NOSIP: variants seen among roughly 807,000 people sequenced by gnomAD.
NOSIP encodes nitric oxide synthase-interacting protein.
A neutral mutation model predicts 36.4 loss-of-function variants in NOSIP; 25 were observed. That is an observed-to-expected ratio of 0.69 (90% CI 0.50 to 0.96). The LOEUF is 0.96. NOSIP is among the 40% of genes least tolerant of loss of function. The pLI, the probability that NOSIP is intolerant of heterozygous loss-of-function variation, is 0.00. For synonymous variants in NOSIP, 187 were observed against 179.2 expected, an observed-to-expected ratio of 1.04 and a Z score of -0.35; for missense variants, 370 against 429.0, an observed-to-expected ratio of 0.86 and a Z score of 1.21.
chr19:49,573,237 T>C (rs907232054), intron 1 of NOSIP, among the ~76,000 whole-genome samples: 1 of 152,192 alleles, frequency 6.6e-6, no homozygotes, highest in African/African-American at 2.4e-5. Flanking sequence ...CCTCAGGCAC[T>C]GTGCTGAACT....
intron 1 of NOSIP, among the ~76,000 whole-genome samples, chr19:49,565,265 CCT>C (rs1201758682): frequency 1.4e-5 from 2 of 145,520 alleles, no homozygotes; most frequent in African/African-American, 2.7e-5. Flanking sequence ...AGAGTGAGAC[CCT>C]GTCTCAAAAA....
rs2080325762 is a variant in NOSIP, at chr19:49,560,932, T to G, written c.-1-240A>C. Among the ~76,000 whole-genome samples the G allele has an allele frequency of 6.6e-6, 1 of 152,046 alleles. No homozygotes were observed. The highest frequency in any genetic ancestry group is 6.6e-5 in the Admixed American group (1 of 15,250). On this transcript the variant is annotated intron_variant, in intron 1 of 8. Transcript: ENST00000596358. The surrounding 1 kb of genome is among the most constrained non-coding windows in gnomAD (Gnocchi z 4.6). Reference sequence around the variant, plus strand: ...TAGCACCTTTAACAACAAAACTCTTTGTTTGGAGGTAAGAGGGTGAGAGAC... The same window carrying G: ...TAGCACCTTTAACAACAAAACTCTTGGTTTGGAGGTAAGAGGGTGAGAGAC...
At chr19:49,561,355 A>T (rs1251727425) in intron 1 of NOSIP, among the ~76,000 whole-genome samples, 3 of 152,192 alleles carry the variant, frequency 2.0e-5, no homozygotes, top group Admixed American at 2.0e-4. Flanking sequence ...AGAACCCTGG[A>T]GCTCAATTCA....
intron 1 of NOSIP, among the ~76,000 whole-genome samples, chr19:49,561,969 CTT>C (rs749256234): frequency 2.0e-4 from 30 of 150,960 alleles, no homozygotes; most frequent in South Asian, 1.0e-3. Flanking sequence ...ATCATTTTAA[CTT>C]TTACTTTTTG....
chr19:49,564,206 C>A (rs1453356688), intron 1 of NOSIP, among the ~76,000 whole-genome samples: 2 of 152,122 alleles, frequency 1.3e-5, no homozygotes, highest in Non-Finnish European at 2.9e-5. Flanking sequence ...GTAATCCCAG[C>A]ACTTTGGAGG....
Position 49,558,993 on chromosome 19 carries a change from T to G in NOSIP, c.177-15A>C. 6.2e-7 allele frequency: 1 copy of G among 1,608,974 alleles called. No homozygotes were observed. The highest frequency in any genetic ancestry group is 8.5e-7 in the Non-Finnish European group (1 of 1,176,384). On this transcript the variant is annotated splice_polypyrimidine_tract_variant and intron_variant, in intron 3 of 8. Coordinates refer to ENST00000596358, the MANE Select transcript of NOSIP (RefSeq NM_001270960.2). ...AGCCATCTGGGCTGCAAAGACAGGG[T>G]GCAATGAGAAAGAAAGAAAGTGATC...
chr19:49,572,972 C>CAAAAAAA (rs5828405), intron 1 of NOSIP, among the ~76,000 whole-genome samples: 1 of 60,792 alleles, frequency 1.6e-5, no homozygotes, highest in African/African-American at 6.4e-5. Flanking sequence ...GACTGTGTCT[C>CAAAAAAA]AAAAAAAAAA....
chr19:49,558,801 G>A lies in NOSIP; in HGVS notation c.258+96C>T, dbSNP rs2080291400. 9.1e-6 allele frequency: 9 copies of A among 991,326 alleles called. No homozygotes were observed. The East Asian group carries it at 1.9e-4, about 21-fold the overall frequency. 61.4% of individuals were successfully genotyped at this position (991,326 alleles called of 1,614,324 possible). A position where few individuals can be genotyped will look rare whatever the true frequency, so the allele number is the denominator to read the frequency against. On this transcript the variant is annotated intron_variant, in intron 4 of 8. Transcript: ENST00000596358. ...GGAGGGGAATGGTGTACCAGGCAGA[G>A]GGAACTGAGATCAGAGGGCTCTGAG...
chr19:49,575,114 C>T (rs1350984847), intron 1 of NOSIP, among the ~76,000 whole-genome samples: 1 of 152,104 alleles, frequency 6.6e-6, no homozygotes, highest in Non-Finnish European at 1.5e-5. Context: ...CTGCCCACCT[C>T]GGCCTCCCAA....
chr19:49,565,453 T>A (rs755919783), intron 1 of NOSIP, among the ~76,000 whole-genome samples: 23 of 151,990 alleles, frequency 1.5e-4, no homozygotes, highest in Non-Finnish European at 3.4e-4. Flanking sequence ...CTGTACATGT[T>A]ATAAAAAGAA....
Position 49,556,616 on chromosome 19 carries a change from G to C in NOSIP, c.658C>G (p.Arg220Gly). The C allele has an allele frequency of 4.4e-6, 7 of 1,607,970 alleles. No individual in the cohort carries two copies. Among genetic ancestry groups the C allele is most frequent in the Non-Finnish European group, 5.9e-6 (7 of 1,179,738 alleles). Residue 220 changes from arginine to glycine, a missense_variant, in exon 7 of 9, where the codon CGC becomes GGC. Physicochemically the swap from Arg to Gly is moderately radical, Grantham distance 125. This residue lies in a region of NOSIP where 315 missense variants were observed against 331.9 expected (regional missense o/e 0.95). Coordinates refer to ENST00000596358, the MANE Select transcript of NOSIP (RefSeq NM_001270960.2). ...DRVGLITRSERYVCAVTRDSL... is the reference protein window; with the variant it reads ...DRVGLITRSEGYVCAVTRDSL... ...TCGCGGGTCACGGCACACACGTAGC[G>C]CTCGCTGCGGGTGATGAGCCCCACG...
chr19:49,578,690 AG>A (rs1351104685), intron 1 of NOSIP, among the ~76,000 whole-genome samples: 2 of 150,680 alleles, frequency 1.3e-5, no homozygotes, highest in Non-Finnish European at 3.0e-5. Flanking sequence ...TCTGTCGCCC[AG>A]GCTAGAGTGC....
At position 49,560,144 on chromosome 19, in the gene NOSIP, G is replaced by A. The variant is rs114815845; in HGVS notation, c.71-105C>T. On this transcript the variant is annotated intron_variant, in intron 2 of 8. Transcript: ENST00000596358. The surrounding 1 kb of genome is among the most constrained non-coding windows in gnomAD (Gnocchi z 4.6). ...ACAGAGACAACGCGGTGGTGGGGGT[G>A]GGGGACTCAGAGAGAAACAGGCAGT... The A allele has an allele frequency of 1.8e-4, 133 of 732,626 alleles. No individual in the cohort carries two copies. In the African/African-American group the frequency reaches 2.0e-3, roughly 11 times the overall value. 45.4% of individuals were successfully genotyped at this position (732,626 alleles called of 1,614,324 possible). A position where few individuals can be genotyped will look rare whatever the true frequency, so the allele number is the denominator to read the frequency against.
chr19:49,555,965 G>A (rs1016564519), intron 8 of NOSIP, 143 bp from the exon 9 acceptor site: 3 of 632,488 alleles, frequency 4.7e-6, no homozygotes, highest in East Asian at 5.5e-5. Context: ...GGGGCGAGGC[G>A]ACCGCAGTGG....
intron 1 of NOSIP, among the ~76,000 whole-genome samples, chr19:49,574,774 C>T (rs1326711765): frequency 2.6e-5 from 4 of 151,952 alleles, no homozygotes; most frequent in African/African-American, 4.8e-5. Flanking sequence ...AGTGCAGCGG[C>T]GGATCTCGCC....
In NOSIP at chr19:49,558,917, CCTT is replaced by C. The variant is rs751353745; in HGVS notation, c.235_237del (p.Lys79del). On this transcript the variant is annotated inframe_deletion, in exon 4 of 9. Transcript: ENST00000596358. ...ATCACCTTCATCTGCCGGGCAATCT[CCTT>C]CTTCTGGTGCAGAATGTACTCCAGG... The C allele has an allele frequency of 8.1e-6, 13 of 1,614,000 alleles. No individual in the cohort carries two copies. Among genetic ancestry groups the C allele is most frequent in the African/African-American group, 2.7e-5 (2 of 74,922 alleles).
In NOSIP at chr19:49,568,336, G is replaced by A. The variant is rs375479704; in HGVS notation, c.-1-7644C>T. ...AAAGAGGGTTATTTGAGATCTGATGGAAAGTCCTAGTACCAGATGTGGATG... is the reference window on the plus strand; with the variant it reads ...AAAGAGGGTTATTTGAGATCTGATGAAAAGTCCTAGTACCAGATGTGGATG... On this transcript the variant is annotated intron_variant, in intron 1 of 8. Coordinates refer to ENST00000596358, the MANE Select transcript of NOSIP (RefSeq NM_001270960.2). 2.6e-5 allele frequency among the ~76,000 whole-genome samples: 4 copies of A among 152,232 alleles called. No homozygotes were observed. The East Asian group carries it at 7.7e-4, about 29-fold the overall frequency.
At chr19:49,567,963 C>T (rs2080432940) in intron 1 of NOSIP, among the ~76,000 whole-genome samples, 1 of 152,022 alleles carries the variant, frequency 6.6e-6, no homozygotes, top group African/African-American at 2.4e-5. Context: ...CAGGCATGAG[C>T]CACCACACCC....
intron 1 of NOSIP, among the ~76,000 whole-genome samples, chr19:49,577,994 TTC>T (rs748168484): frequency 5.3e-5 from 8 of 152,188 alleles, no homozygotes; most frequent in Middle Eastern, 3.4e-3. Flanking sequence ...GTACCAGGGT[TTC>T]TTTTTGGGTG....
Sources: allele counts gnomAD v4.1 joint callset (sites outside exome capture counted in the v4.1 genomes callset), GRCh38; gene constraint gnomAD v4.1.1; regional missense constraint gnomAD v4.1.1; non-coding constraint Gnocchi (gnomAD v3.1); transcripts MANE v1.5; gene names NCBI Gene and HGNC (gene_info 2026-07-23, HGNC 2026-07-21).